Variants in IMMP2L observed in about 807,000 individuals in gnomAD.
The protein encoded by IMMP2L is inner mitochondrial membrane peptidase subunit 2.
In IMMP2L, 18 loss-of-function variants were observed where a neutral mutation model predicts 19.3. That is an observed-to-expected ratio of 0.93 (90% confidence interval 0.64 to 1.38). The LOEUF is 1.38. IMMP2L is among the 40% of genes most tolerant of loss of function. The pLI is 0.00. For synonymous variants in IMMP2L, 76 were observed against 73.0 expected (o/e 1.04, Z -0.21); for missense variants, 233 against 218.2 (o/e 1.07, Z -0.43).
rs555192230 is a variant in IMMP2L at position 111,267,941 on chromosome 7, TCTGGCCCATTCATGC to T, written c.239+219282_239+219296del. 2.1e-3 allele frequency among the ~76,000 whole-genome samples: 326 copies of T among 152,238 alleles called. 1 individual carries two copies. Among genetic ancestry groups the T allele is most frequent in the Non-Finnish European group, 3.8e-3 (261 of 67,996 alleles). On this transcript the variant is annotated intron_variant, in intron 3 of 5. Transcript: ENST00000405709. Reference sequence around the variant, plus strand: ...CTTTTTCAAAGAAGAAGTAGTAAATTCTGGCCCATTCATGCCTGTATGCTATCTATTTAAGTATGG... The same window carrying T: ...CTTTTTCAAAGAAGAAGTAGTAAATTCTGTATGCTATCTATTTAAGTATGG...
intron 3 of IMMP2L, among the ~76,000 whole-genome samples, chr7:111,428,733 ACTAT>A (rs1836334794): frequency 1.3e-5 from 2 of 151,816 alleles, no homozygotes; most frequent in Admixed American, 1.3e-4. Flanking sequence ...AGCTGAAATG[ACTAT>A]CTATACCACC....
intron 3 of IMMP2L, chr7:111,124,323 T>C: frequency 6.2e-7 from 1 of 1,613,822 alleles, no homozygotes; most frequent in Non-Finnish European, 8.5e-7. Flanking sequence ...ATGGATCTTT[T>C]CCACAAGATA....
At position 111,366,814 on chromosome 7, in the gene IMMP2L, A is replaced by T. The variant is rs374998970; in HGVS notation, c.239+120424T>A. On this transcript the variant is annotated intron_variant, in intron 3 of 5. Coordinates refer to ENST00000405709, the MANE Select transcript of IMMP2L (RefSeq NM_032549.4). ...TATATATTATTTCATAAATACATTCATTGTCTCTGTATATATGTATACACA... is the reference window on the plus strand; with the variant it reads ...TATATATTATTTCATAAATACATTCTTTGTCTCTGTATATATGTATACACA... 3.0e-4 allele frequency among the ~76,000 whole-genome samples: 46 copies of T among 152,088 alleles called. 2 individuals are homozygous for T. Among genetic ancestry groups the T allele is most frequent in the East Asian group, 1.4e-3 (7 of 5,182 alleles).
intron 4 of IMMP2L, among the ~76,000 whole-genome samples, chr7:110,925,872 A>T (rs1814793423): frequency 1.3e-5 from 2 of 152,104 alleles, no homozygotes; most frequent in Non-Finnish European, 2.9e-5. Context: ...AAAATTATTT[A>T]CTACCCTCTT....
chr7:111,328,068 C>T (rs941392446), intron 3 of IMMP2L, among the ~76,000 whole-genome samples: 5 of 151,588 alleles, frequency 3.3e-5, no homozygotes, highest in African/African-American at 1.2e-4. Context: ...ACCACATGAC[C>T]TCTCAGTCAT....
At chr7:111,533,900 T>C (rs1847630975) in intron 1 of IMMP2L, among the ~76,000 whole-genome samples, 1 of 151,804 alleles carries the variant, frequency 6.6e-6, no homozygotes, top group Non-Finnish European at 1.5e-5. Flanking sequence ...TAAAAGACAA[T>C]CAGCAGGACA....
chr7:110,679,991 T>G (rs1241956294), intron 5 of IMMP2L, among the ~76,000 whole-genome samples: 3 of 152,148 alleles, frequency 2.0e-5, no homozygotes, highest in Admixed American at 6.6e-5. Context: ...AATTCTAACA[T>G]AGGGTCTAGT....
chr7:110,980,841 G>A (rs933878226), intron 3 of IMMP2L, among the ~76,000 whole-genome samples: 3 of 152,104 alleles, frequency 2.0e-5, no homozygotes, highest in South Asian at 2.1e-4. Context: ...AAAATAAATT[G>A]TGTATTATGC....
chr7:110,739,881 A>C (rs1221539197), intron 5 of IMMP2L, among the ~76,000 whole-genome samples: 3 of 152,152 alleles, frequency 2.0e-5, no homozygotes, highest in Non-Finnish European at 2.9e-5. Context: ...CCACAGTGGA[A>C]TAACATTGGA....
chr7:111,383,327 T>C (rs932482010), intron 3 of IMMP2L, among the ~76,000 whole-genome samples: 2 of 152,148 alleles, frequency 1.3e-5, no homozygotes, highest in Non-Finnish European at 2.9e-5. Context: ...ACTCTGCCTG[T>C]TTCTGGGAGT....
intron 3 of IMMP2L, among the ~76,000 whole-genome samples, chr7:111,295,975 G>C (rs1244885213): frequency 2.1e-5 from 2 of 94,272 alleles, no homozygotes; most frequent in Non-Finnish European, 4.0e-5. Context: ...GGATTTATTA[G>C]AAAGAATGTT....
chr7:111,421,253 T>A (rs1283025930), intron 3 of IMMP2L, among the ~76,000 whole-genome samples: 4 of 149,144 alleles, frequency 2.7e-5, no homozygotes, highest in Admixed American at 2.0e-4. Flanking sequence ...TTTGATGGGG[T>A]TGTTTGTTTT....
intron 3 of IMMP2L, among the ~76,000 whole-genome samples, chr7:111,021,647 C>A (rs538743511): frequency 6.6e-6 from 1 of 152,178 alleles, no homozygotes; most frequent in Non-Finnish European, 1.5e-5. Flanking sequence ...CTTTTGGAGG[C>A]CAAGGTGGGA....
At chr7:111,262,598 C>T (rs1407905958) in intron 3 of IMMP2L, among the ~76,000 whole-genome samples, 6 of 152,002 alleles carry the variant, frequency 3.9e-5, no homozygotes, top group Non-Finnish European at 7.4e-5. Context: ...CTGAAATACC[C>T]GTAGCAAGAT....
intron 3 of IMMP2L, among the ~76,000 whole-genome samples, chr7:111,309,496 G>T (rs1326454298): frequency 6.6e-6 from 1 of 151,912 alleles, no homozygotes; most frequent in African/African-American, 2.4e-5. Flanking sequence ...TTTACTATGT[G>T]GTATCTCCCT....
At chr7:110,732,980 G>T (rs1205222971) in intron 5 of IMMP2L, among the ~76,000 whole-genome samples, 2 of 151,958 alleles carry the variant, frequency 1.3e-5, no homozygotes, top group African/African-American at 2.4e-5. Flanking sequence ...TAGAGAGGGG[G>T]TCTCACTATG....
intron 1 of IMMP2L, among the ~76,000 whole-genome samples, chr7:111,524,850 T>C (rs1165182754): frequency 6.6e-6 from 1 of 152,096 alleles, no homozygotes; most frequent in Non-Finnish European, 1.5e-5. Flanking sequence ...AGAAAATGAC[T>C]TCCAGTGGAT....
At chr7:110,696,891 A>G (rs1221683046) in intron 5 of IMMP2L, among the ~76,000 whole-genome samples, 3 of 152,196 alleles carry the variant, frequency 2.0e-5, no homozygotes, top group Non-Finnish European at 4.4e-5. Flanking sequence ...TCCATTTGAC[A>G]TATATTGTGT....
chr7:110,953,135 C>T (rs1818004427), intron 4 of IMMP2L, among the ~76,000 whole-genome samples: 1 of 152,038 alleles, frequency 6.6e-6, no homozygotes, highest in African/African-American at 2.4e-5. Context: ...TTGGAATATT[C>T]AAGATAAAAT....
Sources: allele counts gnomAD v4.1 joint callset (sites outside exome capture counted in the v4.1 genomes callset), GRCh38; gene constraint gnomAD v4.1.1; transcripts MANE v1.5; gene names NCBI Gene and HGNC (gene_info 2026-07-23, HGNC 2026-07-21).